The following ETS1 variants were observed in gnomAD, a reference collection of about 807,000 sequenced individuals.
The protein encoded by ETS1 is protein C-ets-1.
Under a neutral mutation model 58.6 loss-of-function variants are expected in ETS1, and 15 were observed. The ratio of observed to expected loss-of-function variants is 0.26; its 90% CI spans 0.17 to 0.39. The LOEUF (loss-of-function observed/expected upper bound fraction) is 0.39. Among genes scored for constraint, ETS1 ranks in the 10% least tolerant of loss-of-function variants. ETS1 has a pLI of 1.00. For missense variants in ETS1, 417 were observed against 610.5 expected, an observed-to-expected ratio of 0.68 and a Z score of 3.34; for synonymous variants, 214 against 218.2, an observed-to-expected ratio of 0.98 and a Z score of 0.17.
chr11:128,546,997 G>A (rs1323003163), intron 3 of ETS1, among the ~76,000 whole-genome samples: 1 of 152,124 alleles, frequency 6.6e-6, no homozygotes, highest in African/African-American at 2.4e-5. Flanking sequence ...AGATCATCCT[G>A]AGGAGCATGA....
intron 1 of ETS1, among the ~76,000 whole-genome samples, chr11:128,585,105 AAGGAAGGAAGGAAAGAAAG>A (rs1565421553): frequency 0.019 from 503 of 26,422 alleles, 61 homozygotes; most frequent in Non-Finnish European, 0.025. Context: ...GAAAGAAAGG[AAGGAAGGAAGGAAAGAAAG>A]AAGAAAGAAA....
intron 3 of ETS1, among the ~76,000 whole-genome samples, chr11:128,553,863 G>A (rs1247179016): frequency 6.6e-6 from 1 of 152,152 alleles, no homozygotes; most frequent in Non-Finnish European, 1.5e-5. Context: ...TGAACGTGAA[G>A]GGGGAGCAGT....
At position 128,465,982 on chromosome 11, in the gene ETS1, A is replaced by G. The variant is rs556728384; in HGVS notation, c.1124-2355T>C. On this transcript the variant is annotated intron_variant, in intron 8 of 9. Transcript: ENST00000392668. Reference sequence around the variant, plus strand: ...TCTCAATGCTACGTTGCCCCTGGACAGGACCAGGCCAAAGGCCTGGCATCT... The same window carrying G: ...TCTCAATGCTACGTTGCCCCTGGACGGGACCAGGCCAAAGGCCTGGCATCT... Among the ~76,000 whole-genome samples, 7 of 152,348 alleles carry G rather than the reference A, an allele frequency of 4.6e-5. No individual in the cohort carries two copies. The East Asian group carries it at 1.4e-3, about 29-fold the overall frequency.
intron 1 of ETS1, among the ~76,000 whole-genome samples, chr11:128,584,467 G>A (rs754137611): frequency 1.2e-4 from 18 of 152,180 alleles, no homozygotes; most frequent in African/African-American, 2.4e-4. Flanking sequence ...TGGGGATGAC[G>A]AGAGTGGAGT....
At chr11:128,522,446 G>A (rs1863710129) in intron 3 of ETS1, 2 of 710,626 alleles carry the variant, frequency 2.8e-6, no homozygotes, top group Non-Finnish European at 3.5e-6. Flanking sequence ...CGAGGGGCGG[G>A]GCGTCGGGGC....
intron 3 of ETS1, among the ~76,000 whole-genome samples, chr11:128,524,183 A>G (rs1000735155): frequency 6.6e-6 from 1 of 152,184 alleles, no homozygotes; most frequent in Non-Finnish European, 1.5e-5. Context: ...CATCCACCCA[A>G]ATTAGATACT....
At position 128,480,207 on chromosome 11, in the gene ETS1, G is replaced by C. The variant is rs533058737; in HGVS notation, c.1107C>G (p.Ala369=). 2.1e-5 allele frequency: 34 copies of C among 1,614,022 alleles called. 2 individuals are homozygous for C. In the East Asian group the frequency reaches 6.9e-4, roughly 33 times the overall value. ...GGCGCCTACCTGTGTAGCCAGCTAGGGCAGCAGCAGGAATGACAGGCTTGT... is the reference window on the plus strand; with the variant it reads ...GGCGCCTACCTGTGTAGCCAGCTAGCGCAGCAGCAGGAATGACAGGCTTGT... ...NKDKPVIPAA[A]LAGYTGSGPI... Residue 369 remains alanine, a synonymous_variant, in exon 8 of 10, where the codon GCC becomes GCG. Coordinates refer to ENST00000392668, the MANE Select transcript of ETS1 (RefSeq NM_001143820.2).
chr11:128,495,957 T>C (rs1862927595), intron 3 of ETS1, among the ~76,000 whole-genome samples: 1 of 152,158 alleles, frequency 6.6e-6, no homozygotes, highest in South Asian at 2.1e-4. Flanking sequence ...AATTTATCAA[T>C]ACTACCCGTT....
intron 3 of ETS1, among the ~76,000 whole-genome samples, chr11:128,510,618 A>G (rs1863366691): frequency 1.3e-5 from 2 of 152,230 alleles, no homozygotes; most frequent in African/African-American, 2.4e-5. Context: ...GCTTTACAAG[A>G]TAAGATTTTC....
intron 3 of ETS1, among the ~76,000 whole-genome samples, chr11:128,529,781 A>C (rs989129859): frequency 4.6e-5 from 7 of 152,174 alleles, no homozygotes; most frequent in African/African-American, 1.7e-4. Context: ...TTTACTCAAG[A>C]ATCTATGCCT....
chr11:128,552,933 G>A (rs749259055), intron 3 of ETS1, among the ~76,000 whole-genome samples: 1 of 152,188 alleles, frequency 6.6e-6, no homozygotes, highest in Non-Finnish European at 1.5e-5. Context: ...AAACTGAAAC[G>A]TAAAAATGAT....
chr11:128,491,957 G>A lies in ETS1; in HGVS notation c.215-1381C>T, dbSNP rs548494397. On this transcript the variant is annotated intron_variant, in intron 3 of 9. Transcript: ENST00000392668. Reference sequence around the variant, plus strand: ...TGTATTTGCAGACCATGTTCACGATGTTGGTACATAAATACAGCTGAACGT... The same window carrying A: ...TGTATTTGCAGACCATGTTCACGATATTGGTACATAAATACAGCTGAACGT... Among the ~76,000 whole-genome samples, 15 of 152,332 alleles carry A rather than the reference G, an allele frequency of 9.8e-5. No homozygotes were observed. The South Asian group carries it at 3.1e-3, about 32-fold the overall frequency.
rs1862731576 is a variant in ETS1, at chr11:128,489,344, C to T, written c.481G>A (p.Ala161Thr). 6.2e-7 allele frequency: 1 copy of T among 1,614,180 alleles called. No homozygotes were observed. The highest frequency in any genetic ancestry group is 2.2e-5 in the East Asian group (1 of 44,880). ...ALGKDCFLEL[A>T]PDFVGDILWE... The stretch of plus-strand genomic sequence containing the variant: ...AAGATGTCCCCAACAAAGTCTGGGG[C>T]CAGCTCGAGAAAGCAGTCTTTACCC... Residue 161 changes from alanine to threonine, a missense_variant, in exon 5 of 10, where the codon GCC becomes ACC. Around this residue, in one of 4 missense-constraint regions of ETS1, gnomAD observed 132 missense variants for 212.1 expected, o/e 0.62. Transcript: ENST00000392668.
At chr11:128,582,249 C>T (rs1026889704) in intron 1 of ETS1, among the ~76,000 whole-genome samples, 1 of 152,104 alleles carries the variant, frequency 6.6e-6, no homozygotes, top group East Asian at 1.9e-4. Flanking sequence ...CTGCTTGCTG[C>T]GTGTATGGCC....
intron 3 of ETS1, 118 bp from the exon 4 acceptor site, chr11:128,490,694 C>G: frequency 1.5e-6 from 1 of 668,434 alleles, no homozygotes; most frequent in Non-Finnish European, 2.5e-6. Flanking sequence ...AGCATCCTCA[C>G]CAGAGCACCA....
At chr11:128,571,500 T>TCCAGCCTGGGCGA (rs1565414945) in intron 2 of ETS1, among the ~76,000 whole-genome samples, 4 of 36,140 alleles carry the variant, frequency 1.1e-4, no homozygotes, top group African/African-American at 5.0e-4. Flanking sequence ...CAAGACTCCG[T>TCCAGCCTGGGCGA]CAAAAAAAAA....
At chr11:128,516,476 A>G (rs1272895313) in intron 3 of ETS1, among the ~76,000 whole-genome samples, 1 of 152,250 alleles carries the variant, frequency 6.6e-6, no homozygotes, top group Admixed American at 6.5e-5. Flanking sequence ...GATGTTGTTC[A>G]TATACAAATT....
chr11:128,469,460 T>C (rs1862126265), intron 8 of ETS1, among the ~76,000 whole-genome samples: 1 of 152,156 alleles, frequency 6.6e-6, no homozygotes, highest in Non-Finnish European at 1.5e-5. Flanking sequence ...AGTGTATCAA[T>C]CTGCCTTTCA....
At chr11:128,579,617 C>T (rs910850384) in intron 1 of ETS1, among the ~76,000 whole-genome samples, 1 of 149,380 alleles carries the variant, frequency 6.7e-6, no homozygotes, top group Admixed American at 6.7e-5. Flanking sequence ...GCCGAGATCT[C>T]GCCATTACAC....
Sources: gnomAD v4.1 joint callset for allele counts (sites outside exome capture counted in the v4.1 genomes callset) on GRCh38, gnomAD v4.1.1 for gene constraint, gnomAD v4.1.1 regional missense constraint, MANE v1.5 for transcripts, NCBI Gene and HGNC (gene_info 2026-07-23, HGNC 2026-07-21) for gene names.